The following SDCCAG8 variants were observed in gnomAD, a reference collection of about 807,000 sequenced individuals.
The protein encoded by SDCCAG8 is SHH signaling and ciliogenesis regulator SDCCAG8, also known as serologically defined colon cancer antigen 8.
In SDCCAG8, 74 loss-of-function variants were observed where a neutral mutation model predicts 101.8. The observed-to-expected ratio is 0.73, with a 90% CI of 0.60 to 0.88. The LOEUF is 0.88. SDCCAG8 is among the 40% of genes least tolerant of loss of function. The pLI is 0.00. For missense variants in SDCCAG8, 787 were observed against 822.6 expected (o/e 0.96, Z 0.53); for synonymous variants, 281 against 292.9 (o/e 0.96, Z 0.41).
At chr1:243,446,095 G>A (rs1217056598) in intron 16 of SDCCAG8, among the ~76,000 whole-genome samples, 1 of 152,156 alleles carries the variant, frequency 6.6e-6, no homozygotes, top group East Asian at 1.9e-4. Context: ...TCATGTGTTT[G>A]ACAGAGGGAA....
chr1:243,301,518 T>G (rs74424388), intron 6 of SDCCAG8, among the ~76,000 whole-genome samples: 1 of 152,312 alleles, frequency 6.6e-6, no homozygotes, highest in African/African-American at 2.4e-5. Context: ...TTCCATAGAT[T>G]GAAGTCTGCA....
At chr1:243,412,976 AGGAAAGT>A (rs2080288498) in intron 13 of SDCCAG8, among the ~76,000 whole-genome samples, 1 of 152,146 alleles carries the variant, frequency 6.6e-6, no homozygotes, top group Admixed American at 6.6e-5. Flanking sequence ...AAGGCAACAT[AGGAAAGT>A]GGAAGGGGAA....
chr1:243,400,677 G>A (rs1489364133), intron 13 of SDCCAG8, among the ~76,000 whole-genome samples: 1 of 152,112 alleles, frequency 6.6e-6, no homozygotes, highest in Admixed American at 6.5e-5. Flanking sequence ...TTTAAATTAT[G>A]TGTTTATTCT....
At chr1:243,399,460 A>G (rs1462994547) in intron 13 of SDCCAG8, among the ~76,000 whole-genome samples, 1 of 152,086 alleles carries the variant, frequency 6.6e-6, no homozygotes, top group African/African-American at 2.4e-5. Context: ...TAGCTTGCAA[A>G]CAGTAATTAC....
chr1:243,394,536 G>A lies in SDCCAG8; in HGVS notation c.1616+15673G>A, dbSNP rs140370072. ...GGTGGAAAAATGAATATCCTCTGTC[G>A]TTAAAAGACTTCATAAATATATAGG... On this transcript the variant is annotated intron_variant, in intron 13 of 17. Transcript: ENST00000366541. 7.9e-3 allele frequency among the ~76,000 whole-genome samples: 1,208 copies of A among 152,186 alleles called. 11 individuals are homozygous for A. The highest frequency in any genetic ancestry group is 0.027 in the Middle Eastern group (8 of 294).
At chr1:243,453,948 T>A (rs1431730620) in intron 16 of SDCCAG8, among the ~76,000 whole-genome samples, 1 of 152,194 alleles carries the variant, frequency 6.6e-6, no homozygotes, top group Non-Finnish European at 1.5e-5. Context: ...ATTGGGATCT[T>A]TCTATTGGCT....
chr1:243,344,125 A>G (rs1243323918), intron 11 of SDCCAG8, 90 bp from the exon 12 acceptor site: 3 of 985,516 alleles, frequency 3.0e-6, no homozygotes, highest in South Asian at 1.3e-5. Context: ...TTTTATCTAT[A>G]TGACCTCTAG....
At chr1:243,381,826 A>G (rs984629806) in intron 13 of SDCCAG8, among the ~76,000 whole-genome samples, 3 of 152,220 alleles carry the variant, frequency 2.0e-5, no homozygotes, top group Non-Finnish European at 2.9e-5. Context: ...CAACAGTGCA[A>G]TGATAAAAGT....
intron 3 of SDCCAG8, among the ~76,000 whole-genome samples, chr1:243,274,288 G>A (rs1298015951): frequency 1.3e-5 from 2 of 152,182 alleles, no homozygotes; most frequent in Non-Finnish European, 2.9e-5. Context: ...CATTCATCAT[G>A]ACCGAAACAC....
Position 243,378,798 on chromosome 1 carries a change from CAG to C in SDCCAG8, c.1556_1557del (p.Glu519GlyfsTer13), listed in dbSNP as rs775158463. 1 of 1,614,076 alleles carries C rather than the reference CAG, an allele frequency of 6.2e-7. No homozygotes were observed. The highest frequency in any genetic ancestry group is 8.5e-7 in the Non-Finnish European group (1 of 1,179,976). On this transcript the variant is annotated frameshift_variant, in exon 13 of 18. Coordinates refer to ENST00000366541, the MANE Select transcript of SDCCAG8 (RefSeq NM_006642.5). LOFTEE classifies it high-confidence loss of function. ...EQEQQKAALA[R>X]EECLRLTELL... ...AGGAGCAGCAGAAGGCAGCCCTGGC[CAG>C]AGAGGAGTGCCTGAGACTAACAGAA...
chr1:243,499,700 C>A (rs368579841), intron 17 of SDCCAG8, 56 bp from the exon 18 acceptor site: 4 of 1,368,586 alleles, frequency 2.9e-6, no homozygotes, highest in Admixed American at 3.4e-5. Context: ...AATGAGAAGA[C>A]AAATAACATT....
intron 12 of SDCCAG8, among the ~76,000 whole-genome samples, chr1:243,369,154 C>A (rs1000632182): frequency 1.3e-5 from 2 of 152,120 alleles, no homozygotes; most frequent in African/African-American, 4.8e-5. Flanking sequence ...TGGAGACATT[C>A]ATACCCTATC....
At chr1:243,268,910 C>T (rs2149261155) in intron 1 of SDCCAG8, among the ~76,000 whole-genome samples, 1 of 151,728 alleles carries the variant, frequency 6.6e-6, no homozygotes, top group East Asian at 1.9e-4. Context: ...AGTGGGGCAG[C>T]GGGGTGCAGC....
At chr1:243,410,154 T>G (rs2080071438) in intron 13 of SDCCAG8, among the ~76,000 whole-genome samples, 1 of 152,284 alleles carries the variant, frequency 6.6e-6, no homozygotes, top group Middle Eastern at 3.4e-3. Flanking sequence ...CTTCCCAACT[T>G]GGTATTCAGT....
At chr1:243,421,261 T>C (rs1205200068) in intron 15 of SDCCAG8, among the ~76,000 whole-genome samples, 1 of 152,224 alleles carries the variant, frequency 6.6e-6, no homozygotes, top group Admixed American at 6.5e-5. Flanking sequence ...ACTAAACAAA[T>C]AGATTCCTAC....
intron 12 of SDCCAG8, among the ~76,000 whole-genome samples, chr1:243,363,912 C>G (rs1204284726): frequency 6.6e-6 from 1 of 152,180 alleles, no homozygotes; most frequent in Non-Finnish European, 1.5e-5. Context: ...AGCTAAAAAT[C>G]TACTTCACAT....
chr1:243,489,724 G>C (rs972868628), intron 17 of SDCCAG8, among the ~76,000 whole-genome samples: 8 of 152,140 alleles, frequency 5.3e-5, no homozygotes, highest in Admixed American at 2.0e-4. Flanking sequence ...TGTCTTCATG[G>C]TTTAGATAGG....
At chr1:243,486,926 C>T (rs1357507081) in intron 16 of SDCCAG8, among the ~76,000 whole-genome samples, 3 of 138,044 alleles carry the variant, frequency 2.2e-5, no homozygotes, top group Non-Finnish European at 3.1e-5. Context: ...CAGGAAGCCA[C>T]GGGGCTACCT....
chr1:243,499,864 C>G lies in SDCCAG8; in HGVS notation c.*79C>G. On this transcript the variant is annotated 3_prime_UTR_variant, in exon 18 of 18. Coordinates refer to ENST00000366541, the MANE Select transcript of SDCCAG8 (RefSeq NM_006642.5). The stretch of plus-strand genomic sequence containing the variant: ...CTGGTTTAGACTTAATATGCCACAA[C>G]GCACCACGACCTTCCCAGGGTGACA... The G allele has an allele frequency of 2.9e-6, 4 of 1,380,762 alleles. No individual in the cohort carries two copies. The South Asian group carries it at 3.5e-5, about 12-fold the overall frequency. The allele number at this position is 1,380,762 out of a possible 1,614,324, so 85.5% of individuals were successfully genotyped here.
Sources: gnomAD v4.1 joint callset for allele counts (sites outside exome capture counted in the v4.1 genomes callset) on GRCh38, gnomAD v4.1.1 for gene constraint, MANE v1.5 for transcripts, NCBI Gene and HGNC (gene_info 2026-07-23, HGNC 2026-07-21) for gene names.